The following TASOR variants were observed in gnomAD, a reference collection of about 807,000 sequenced individuals.
The protein encoded by TASOR is protein TASOR.
TASOR carries 53 observed loss-of-function variants against 178.6 expected under a neutral mutation model. The ratio of observed to expected loss-of-function variants is 0.30; its 90% CI spans 0.24 to 0.37. TASOR has a LOEUF of 0.37. TASOR is among the 10% of genes least tolerant of loss of function. The pLI is 1.00. For missense variants in TASOR, 1,815 were observed against 1,971.4 expected, an observed-to-expected ratio of 0.92 and a Z score of 1.50; for synonymous variants, 713 against 696.2, an observed-to-expected ratio of 1.02 and a Z score of -0.38.
At chr3:56,668,314 G>A (rs2030280310) in intron 6 of TASOR, 83 bp downstream of exon 6, 3 of 1,319,638 alleles carry the variant, frequency 2.3e-6, no homozygotes, top group Admixed American at 4.4e-5. Context: ...TGGGGACAGA[G>A]AGAACTGAAA....
intron 11 of TASOR, 82 bp downstream of exon 11, chr3:56,660,649 A>G: frequency 9.2e-7 from 1 of 1,083,526 alleles, no homozygotes; most frequent in Non-Finnish European, 1.4e-6. Flanking sequence ...AGGCAAAAAT[A>G]AACTGAAACA....
intron 16 of TASOR, among the ~76,000 whole-genome samples, chr3:56,639,764 G>A (rs2077085932): frequency 8.2e-6 from 1 of 121,250 alleles, no homozygotes; most frequent in Admixed American, 8.9e-5. Flanking sequence ...TTAAATCCCT[G>A]TTTTTAAGGT....
chr3:56,620,728 G>GGAGA lies in TASOR; in HGVS notation c.*2305_*2308dup, dbSNP rs894885032. 37 of 152,250 alleles carry GGAGA rather than the reference G, an allele frequency of 2.4e-4. No individual in the cohort carries two copies. Among genetic ancestry groups the GGAGA allele is most frequent in the African/African-American group, 8.7e-4 (36 of 41,532 alleles). 9.4% of individuals were successfully genotyped at this position (152,250 alleles called of 1,614,324 possible). Reference sequence around the variant, plus strand: ...AGTGTTAGTTTACTTCTTGCTTAGTGGAGACAAAAATTGTGAGATAAAGAG... The same window carrying GGAGA: ...AGTGTTAGTTTACTTCTTGCTTAGTGGAGAGAGACAAAAATTGTGAGATAAAGAG... On this transcript the variant is annotated 3_prime_UTR_variant, in exon 24 of 24. Coordinates refer to ENST00000683822, the MANE Select transcript of TASOR (RefSeq NM_001365635.2).
intron 21 of TASOR, 81 bp downstream of exon 21, chr3:56,626,955 TC>T: frequency 2.4e-6 from 2 of 845,264 alleles, no homozygotes; most frequent in South Asian, 3.7e-5. Flanking sequence ...ACATCCATAA[TC>T]TACAAACATG....
At chr3:56,671,478 T>A (rs79269754) in intron 3 of TASOR, 122 bp downstream of exon 3, 24,683 of 630,986 alleles carry the variant, frequency 0.039, 588 homozygotes, top group South Asian at 0.061. Flanking sequence ...CATTAAATCA[T>A]GTATTCCACT....
rs2076655630 is a variant in TASOR at position 56,621,673 on chromosome 3, T to C, written c.*1364A>G. On this transcript the variant is annotated 3_prime_UTR_variant, in exon 24 of 24. Transcript: ENST00000683822. Reference sequence around the variant, plus strand: ...TTTGTGTCTTCCAAATTATAAAATGTGCTCACTGGCTCAACTGTATTTTTC... The same window carrying C: ...TTTGTGTCTTCCAAATTATAAAATGCGCTCACTGGCTCAACTGTATTTTTC... The C allele has an allele frequency of 8.1e-7, 1 of 1,239,762 alleles. No homozygotes were observed. The highest frequency in any genetic ancestry group is 1.3e-5 in the South Asian group (1 of 75,456). The allele number at this position is 1,239,762 out of a possible 1,614,324, so 76.8% of individuals were successfully genotyped here.
At chr3:56,660,702 T>G in intron 11 of TASOR, 29 bp downstream of exon 11, 46 of 1,533,076 alleles carry the variant, frequency 3.0e-5, no homozygotes, top group Non-Finnish European at 3.7e-5. Context: ...TAACAAAGAA[T>G]GAGAAACATT....
At chr3:56,672,977 C>T (rs1021853200) in intron 2 of TASOR, among the ~76,000 whole-genome samples, 3 of 151,976 alleles carry the variant, frequency 2.0e-5, no homozygotes, top group African/African-American at 4.8e-5. Flanking sequence ...TGTGCCACCA[C>T]GCCTAGCTAA....
At position 56,683,072 on chromosome 3, in the gene TASOR, C is replaced by A; in HGVS notation, c.-66G>T. 1 of 1,422,190 alleles carries A rather than the reference C, an allele frequency of 7.0e-7. No homozygotes were observed. Among genetic ancestry groups the A allele is most frequent in the Non-Finnish European group, 9.2e-7 (1 of 1,081,854 alleles). The allele number at this position is 1,422,190 out of a possible 1,614,324, so 88.1% of individuals were successfully genotyped here. A position where few individuals can be genotyped will look rare whatever the true frequency, so the allele number is the denominator to read the frequency against. On this transcript the variant is annotated 5_prime_UTR_variant, in exon 1 of 24. Coordinates refer to ENST00000683822, the MANE Select transcript of TASOR (RefSeq NM_001365635.2). ...GGTCGACGGGTGTGGGGGGAAGGGG[C>A]GGCGGGCCAGTCTCGCCGCCGAGCT...
Position 56,624,586 on chromosome 3 carries a change from G to A in TASOR, c.4376C>T (p.Ala1459Val), listed in dbSNP as rs145666615. 259 of 1,614,056 alleles carry A rather than the reference G, an allele frequency of 1.6e-4. No individual in the cohort carries two copies. Among genetic ancestry groups the A allele is most frequent in the Non-Finnish European group, 1.7e-4 (201 of 1,179,952 alleles). ...TTTAAAGTTTTGCATGAAGTCTTCA[G>A]CAGTTGCAACCACTATTCCATTATC... ...YTDNGIVVAT[A>V]EDFMQNFKNL... Residue 1459 changes from alanine to valine, a missense_variant, in exon 23 of 24, where the codon GCT becomes GTT. Ala to Val is a moderately conservative substitution (Grantham distance 64). Coordinates refer to ENST00000683822, the MANE Select transcript of TASOR (RefSeq NM_001365635.2).
intron 17 of TASOR, among the ~76,000 whole-genome samples, chr3:56,637,438 C>T (rs1168587039): frequency 6.6e-6 from 1 of 152,072 alleles, no homozygotes. Flanking sequence ...AGGAGAATCG[C>T]TTAACCCAGG....
In TASOR at chr3:56,646,991, T is replaced by C; in HGVS notation, c.1746A>G (p.Leu582=). 1.2e-6 allele frequency: 2 copies of C among 1,603,298 alleles called. No homozygotes were observed. Among genetic ancestry groups the C allele is most frequent in the Non-Finnish European group, 1.7e-6 (2 of 1,177,518 alleles). Reference sequence around the variant, plus strand: ...CTGAGTATAAGAATTTTTTATCATCTAATCGTGAATCATATGGAAACATAA... The same window carrying C: ...CTGAGTATAAGAATTTTTTATCATCCAATCGTGAATCATATGGAAACATAA... ...EFIMFPYDSR[L]DDKKFLYSAP... is the part of the protein sequence containing the mutation. Residue 582 remains leucine (L), a synonymous_variant, in exon 14 of 24, where the codon TTA becomes TTG. Coordinates refer to ENST00000683822, the MANE Select transcript of TASOR (RefSeq NM_001365635.2).
Position 56,662,370 on chromosome 3 carries a change from T to C in TASOR, c.1160+15A>G. On this transcript the variant is annotated intron_variant, in intron 9 of 23. Transcript: ENST00000683822. ...TAAAATTAGCAACCACGAACTGCTC[T>C]TTACTTATACTTACAGTTTGATAGG... 1 of 1,414,188 alleles carries C rather than the reference T, an allele frequency of 7.1e-7. No individual in the cohort carries two copies. Among genetic ancestry groups the C allele is most frequent in the Non-Finnish European group, 9.8e-7 (1 of 1,023,584 alleles). The allele number at this position is 1,414,188 out of a possible 1,614,324, so 87.6% of individuals were successfully genotyped here. A position where few individuals can be genotyped will look rare whatever the true frequency, so the allele number is the denominator to read the frequency against.
chr3:56,674,201 TAAAAA>T (rs11348732), intron 1 of TASOR, among the ~76,000 whole-genome samples: 4,421 of 111,836 alleles, frequency 0.04, 103 homozygotes, highest in Middle Eastern at 0.11. Context: ...TCTTTAAGTT[TAAAAA>T]AAAAAAAAAA....
At chr3:56,632,914 G>C in intron 18 of TASOR, 130 bp downstream of exon 18, 1 of 737,242 alleles carries the variant, frequency 1.4e-6, no homozygotes, top group East Asian at 2.9e-5. Context: ...TGGGATTACA[G>C]GTATTAGCCA....
At chr3:56,633,021 C>G in intron 18 of TASOR, 23 bp downstream of exon 18, 1 of 1,512,734 alleles carries the variant, frequency 6.6e-7, no homozygotes, top group Non-Finnish European at 8.9e-7. Flanking sequence ...TACAGCATTA[C>G]TATTACCTTC....
At chr3:56,643,687 G>A (rs908603648) in intron 14 of TASOR, among the ~76,000 whole-genome samples, 7 of 151,442 alleles carry the variant, frequency 4.6e-5, no homozygotes, top group East Asian at 3.9e-4. Context: ...CCAGGGAGGC[G>A]GAGCTTGCAG....
intron 11 of TASOR, among the ~76,000 whole-genome samples, chr3:56,652,942 G>A (rs188601378): frequency 3.3e-5 from 5 of 152,196 alleles, no homozygotes; most frequent in Admixed American, 2.6e-4. Flanking sequence ...GTTAACAGAC[G>A]TGGAAAATAT....
chr3:56,634,355 T>C (rs1414380297), intron 17 of TASOR, among the ~76,000 whole-genome samples: 3 of 152,240 alleles, frequency 2.0e-5, no homozygotes, highest in East Asian at 1.9e-4. Flanking sequence ...TGCCAAGTAA[T>C]ATCTACTATG....
Sources: gnomAD v4.1 joint callset for allele counts (sites outside exome capture counted in the v4.1 genomes callset) on GRCh38, gnomAD v4.1.1 for gene constraint, MANE v1.5 for transcripts, NCBI Gene and HGNC (gene_info 2026-07-23, HGNC 2026-07-21) for gene names.